CEL: variants seen among roughly 807,000 people sequenced by gnomAD.
CEL encodes the protein carboxyl ester lipase.
A neutral mutation model predicts 57.1 loss-of-function variants in CEL; 39 were observed. The ratio of observed to expected loss-of-function variants is 0.68; its 90% CI spans 0.53 to 0.89. The LOEUF (loss-of-function observed/expected upper bound fraction) is 0.89, where lower values mean the gene tolerates loss of function less well. Among genes scored for constraint, CEL ranks in the 40% least tolerant of loss-of-function variants. The probability of loss-of-function intolerance (pLI) is 0.00; values close to 1 mark genes in which losing one functional copy is unlikely to be tolerated. For missense variants in CEL, 698 were observed against 915.0 expected (o/e 0.76, Z 3.06); for synonymous variants, 314 against 396.6 (o/e 0.79, Z 2.48).
chr9:133,071,066 A>C lies in CEL; in HGVS notation c.1564A>C (p.Thr522Pro), dbSNP rs768800487. The change falls in exon 11 of 11, where the codon ACC becomes CCC. Residue 522 changes from threonine to proline, a missense_variant. Thr to Pro is a conservative substitution (Grantham distance 38). This residue lies in a region of CEL where 111 missense variants were observed against 147.3 expected (regional missense o/e 0.75). Coordinates refer to ENST00000372080, the MANE Select transcript of CEL (RefSeq NM_001807.6). ...GGAAAACAGCGGCTACCTGGAGATCACCAAGAAGATGGGCAGCAGCTCCAT... is the reference window on the plus strand; with the variant it reads ...GGAAAACAGCGGCTACCTGGAGATCCCCAAGAAGATGGGCAGCAGCTCCAT... ...TTENSGYLEITKKMGSSSMKR... is the reference protein window; with the variant it reads ...TTENSGYLEIPKKMGSSSMKR... 2 of 1,612,854 alleles carry C rather than the reference A, an allele frequency of 1.2e-6. No homozygotes were observed. The highest frequency in any genetic ancestry group is 3.3e-5 in the Admixed American group (2 of 59,968).
chr9:133,064,617 A>C (rs375612775), intron 2 of CEL, 23 bp from the exon 3 acceptor site: 3 of 1,613,486 alleles, frequency 1.9e-6, no homozygotes, highest in African/African-American at 1.3e-5. Flanking sequence ...TGCCTTCCTC[A>C]TGCCAACTCC....
At chr9:133,070,388 C>T (rs948812726) in intron 9 of CEL, 73 bp from the exon 10 acceptor site, 3 of 1,338,694 alleles carry the variant, frequency 2.2e-6, no homozygotes, top group African/African-American at 3.0e-5. Context: ...CGGGACCTCC[C>T]TCCAAGTCCG....
In CEL at chr9:133,064,580, C is replaced by T; in HGVS notation, c.217+26C>T. ...GTGGGAGTGGGTGGTGCCGGACTGG[C>T]CCTGCGGCGGGGCGGGTGAGGGCGG... On this transcript the variant is annotated intron_variant, in intron 2 of 10. Coordinates refer to ENST00000372080, the MANE Select transcript of CEL (RefSeq NM_001807.6). 1.9e-6 allele frequency: 3 copies of T among 1,614,028 alleles called. No individual in the cohort carries two copies. The East Asian group carries it at 6.7e-5, about 36-fold the overall frequency.
intron 1 of CEL, among the ~76,000 whole-genome samples, chr9:133,063,797 G>A (rs1239559580): frequency 2.6e-5 from 4 of 152,086 alleles, no homozygotes; most frequent in Non-Finnish European, 2.9e-5. Context: ...TGGGAGGTGT[G>A]GTCCCTAGGG....
chr9:133,064,944 T>A (rs1830151468), intron 3 of CEL, 96 bp from the exon 4 acceptor site: 1 of 1,563,430 alleles, frequency 6.4e-7, no homozygotes, highest in Admixed American at 1.7e-5. Context: ...CACCTCCCTG[T>A]CTTGGCCCCA....
chr9:133,067,923 G>A (rs1156428309), intron 7 of CEL, among the ~76,000 whole-genome samples: 23 of 152,200 alleles, frequency 1.5e-4, no homozygotes, highest in Admixed American at 5.2e-4. Flanking sequence ...TGTACCCCGG[G>A]AAGGCCTGGG....
chr9:133,070,597 C>G lies in CEL; in HGVS notation c.1423C>G (p.Pro475Ala). 6.2e-7 allele frequency: 1 copy of G among 1,614,136 alleles called. No individual in the cohort carries two copies. The highest frequency in any genetic ancestry group is 8.5e-7 in the Non-Finnish European group (1 of 1,180,024). The change falls in exon 10 of 11, where the codon CCC becomes GCC. Residue 475 changes from proline (P) to alanine (A), a missense_variant. Coordinates refer to ENST00000372080, the MANE Select transcript of CEL (RefSeq NM_001807.6). ...CTTCGCCACCCCCACGGGCTACCGG[C>G]CCCAAGACAGGACAGTCTCTAAGGC... ...KPFATPTGYR[P>A]QDRTVSKAMI...
At chr9:133,062,808 C>T (rs1306253081) in intron 1 of CEL, among the ~76,000 whole-genome samples, 1 of 151,616 alleles carries the variant, frequency 6.6e-6, no homozygotes, top group Non-Finnish European at 1.5e-5. Context: ...GCAGTTTGCC[C>T]AGCATGGCAC....
At position 133,065,064 on chromosome 9, in the gene CEL, T is replaced by G; in HGVS notation, c.365T>G (p.Ile122Ser). 1 of 1,613,340 alleles carries G rather than the reference T, an allele frequency of 6.2e-7. No homozygotes were observed. The highest frequency in any genetic ancestry group is 8.5e-7 in the Non-Finnish European group (1 of 1,179,966). The change falls in exon 4 of 11, where the codon ATC (isoleucine) becomes AGC (serine). Residue 122 changes from isoleucine (I) to serine (S), a missense_variant. Coordinates refer to ENST00000372080, the MANE Select transcript of CEL (RefSeq NM_001807.6). Reference protein sequence around the residue: ...KQVSRDLPVMIWIYGGAFLMG... With the variant: ...KQVSRDLPVMSWIYGGAFLMG... Reference sequence around the variant, plus strand: ...GTCTCCCGGGACCTGCCCGTTATGATCTGGATCTATGGAGGCGCCTTCCTC... The same window carrying G: ...GTCTCCCGGGACCTGCCCGTTATGAGCTGGATCTATGGAGGCGCCTTCCTC...
chr9:133,066,927 A>G lies in CEL; in HGVS notation c.759A>G (p.Pro253=), dbSNP rs1412642972. 1 of 1,553,676 alleles carries G rather than the reference A, an allele frequency of 6.4e-7. No homozygotes were observed. Among genetic ancestry groups the G allele is most frequent in the African/African-American group, 1.6e-5 (1 of 62,354 alleles). Residue 253 remains proline (P), a synonymous_variant, in exon 6 of 11, where the codon CCA becomes CCG. Transcript: ENST00000372080. The surrounding 1 kb of genome is among the most constrained non-coding windows in gnomAD (Gnocchi z 4.3). ...ALSPWVIQKN[P]LFWAKKVAEK... ...GTCCCTGGGTCATCCAGAAAAACCCACTCTTCTGGGCCAAAAAGGTAAACG... is the reference window on the plus strand; with the variant it reads ...GTCCCTGGGTCATCCAGAAAAACCCGCTCTTCTGGGCCAAAAAGGTAAACG...
rs373668445 is a variant in CEL at position 133,065,150 on chromosome 9, G to A, written c.451G>A (p.Ala151Thr). The A allele has an allele frequency of 1.6e-5, 26 of 1,613,818 alleles. No homozygotes were observed. The highest frequency in any genetic ancestry group is 2.7e-5 in the African/African-American group (2 of 74,942). Residue 151 changes from alanine (A) to threonine (T), a missense_variant, in exon 4 of 11, where the codon GCC becomes ACC. Coordinates refer to ENST00000372080, the MANE Select transcript of CEL (RefSeq NM_001807.6). ...CTACCTGTATGACGGCGAGGAGATC[G>A]CCACACGCGGAAACGTCATCGTGGT... ...NNYLYDGEEI[A>T]TRGNVIVVTF...
At chr9:133,067,930 T>C (rs1830207221) in intron 7 of CEL, among the ~76,000 whole-genome samples, 1 of 152,188 alleles carries the variant, frequency 6.6e-6, no homozygotes, top group Middle Eastern at 3.2e-3. Flanking sequence ...CGGGAAGGCC[T>C]GGGGACCCAT....
chr9:133,067,452 C>T (rs1016974066), intron 7 of CEL, among the ~76,000 whole-genome samples: 6 of 152,130 alleles, frequency 3.9e-5, no homozygotes, highest in African/African-American at 1.4e-4. Context: ...CAGCTCACTG[C>T]AACCTCCACC....
rs767577207 is a variant in CEL at position 133,071,666 on chromosome 9, G to GC, written c.2171dup (p.Val725CysfsTer6). The GC allele has an allele frequency of 2.2e-5, 34 of 1,577,572 alleles. No homozygotes were observed. The highest frequency in any genetic ancestry group is 5.1e-5 in the Admixed American group (3 of 59,154). On this transcript the variant is annotated frameshift_variant, in exon 11 of 11. Coordinates refer to ENST00000372080, the MANE Select transcript of CEL (RefSeq NM_001807.6). LOFTEE classifies it high-confidence loss of function. Reference sequence around the variant, plus strand: ...CGTGCCGCCCACGGGTGACTCCGGGGCCCCCCCTGTGCCCCCCACGGGTGA... The same window carrying GC: ...CGTGCCGCCCACGGGTGACTCCGGGGCCCCCCCCTGTGCCCCCCACGGGTGA...
At chr9:133,065,574 C>T (rs1215518632) in intron 4 of CEL, among the ~76,000 whole-genome samples, 4 of 151,970 alleles carry the variant, frequency 2.6e-5, no homozygotes, top group African/African-American at 7.3e-5. Context: ...GGACTGGGCG[C>T]GGCGGCTCAC....
intron 7 of CEL, among the ~76,000 whole-genome samples, chr9:133,067,674 C>T (rs1270675090): frequency 1.3e-5 from 2 of 152,136 alleles, no homozygotes; most frequent in African/African-American, 4.8e-5. Flanking sequence ...TGCCCGGCCC[C>T]TTCTTTATTC....
Position 133,064,674 on chromosome 9 carries a change from C to T in CEL, c.252C>T (p.Cys84=). The change falls in exon 3 of 11, where the codon TGC becomes TGT. Residue 84 remains cysteine (C), a synonymous_variant. Coordinates refer to ENST00000372080, the MANE Select transcript of CEL (RefSeq NM_001807.6). ...TLKAKNFKKR[C]LQATITQDST... is the part of the protein sequence containing the mutation. ...AGGCCAAGAACTTCAAGAAGAGATG[C>T]CTGCAGGCCACCATCACCCAGGACA... 1 of 1,614,054 alleles carries T rather than the reference C, an allele frequency of 6.2e-7. No homozygotes were observed. The highest frequency in any genetic ancestry group is 1.1e-5 in the South Asian group (1 of 91,086).
rs748552732 is a variant in CEL, at chr9:133,067,171, G to A, written c.861G>A (p.Thr287=). ...CLKVTDPRAL[T]LAYKVPLAGL... ...AGGTTACTGATCCCCGAGCCCTGAC[G>A]CTGGCCTATAAGGTGCCGCTGGCAG... The change falls in exon 7 of 11, where the codon ACG becomes ACA. Residue 287 remains threonine, a synonymous_variant. Coordinates refer to ENST00000372080, the MANE Select transcript of CEL (RefSeq NM_001807.6). The A allele has an allele frequency of 7.4e-6, 12 of 1,613,844 alleles. No individual in the cohort carries two copies. The highest frequency in any genetic ancestry group is 2.2e-5 in the East Asian group (1 of 44,890).
chr9:133,063,317 G>A (rs1194579672), intron 1 of CEL, among the ~76,000 whole-genome samples: 3 of 152,134 alleles, frequency 2.0e-5, no homozygotes, highest in Admixed American at 1.3e-4. Flanking sequence ...CAGGGATCAC[G>A]CCACTGGCAC....
Sources: gnomAD v4.1 joint callset for allele counts (sites outside exome capture counted in the v4.1 genomes callset) on GRCh38, gnomAD v4.1.1 for gene constraint, gnomAD v4.1.1 regional missense constraint, Gnocchi (gnomAD v3.1) non-coding constraint, MANE v1.5 for transcripts, NCBI Gene and HGNC (gene_info 2026-07-23, HGNC 2026-07-21) for gene names.